VIRMA: variants seen among roughly 807,000 people sequenced by gnomAD.
VIRMA encodes the protein vir like m6A methyltransferase associated, also known as protein virilizer homolog.
VIRMA carries 65 observed loss-of-function variants against 182.4 expected under a neutral mutation model. The observed-to-expected ratio is 0.36, with a 90% CI of 0.29 to 0.44. VIRMA has a LOEUF of 0.44. Ranked by LOEUF, VIRMA falls within the 20% of genes least tolerant of loss-of-function variation. The pLI, the probability that VIRMA is intolerant of heterozygous loss-of-function variation, is 1.00. For synonymous variants in VIRMA, 709 were observed against 743.1 expected (o/e 0.95, Z 0.75); for missense variants, 1,752 against 2,158.1 (o/e 0.81, Z 3.73).
intron 10 of VIRMA, among the ~76,000 whole-genome samples, chr8:94,515,297 A>G (rs191494373): frequency 3.9e-5 from 6 of 152,142 alleles, no homozygotes; most frequent in African/African-American, 1.4e-4. Context: ...GGGTTTCACC[A>G]CGTTGGCCAG....
chr8:94,504,337 C>T (rs1376078133), intron 16 of VIRMA, among the ~76,000 whole-genome samples: 2 of 152,070 alleles, frequency 1.3e-5, no homozygotes, highest in Non-Finnish European at 2.9e-5. Flanking sequence ...TTTCTCCTTG[C>T]TCACTCTGAG....
At chr8:94,543,167 C>G (rs1203351314) in intron 2 of VIRMA, among the ~76,000 whole-genome samples, 1 of 151,906 alleles carries the variant, frequency 6.6e-6, no homozygotes, top group Non-Finnish European at 1.5e-5. Context: ...CTCGGCCTCT[C>G]AAAGTGCTGG....
intron 4 of VIRMA, among the ~76,000 whole-genome samples, chr8:94,536,895 C>A (rs188635982): frequency 2.8e-4 from 43 of 152,178 alleles, no homozygotes; most frequent in African/African-American, 9.6e-4. Context: ...AGGAGAATGG[C>A]GTGAACCTGG....
chr8:94,530,182 T>A (rs1187169122), intron 6 of VIRMA, among the ~76,000 whole-genome samples: 1 of 151,722 alleles, frequency 6.6e-6, no homozygotes, highest in Non-Finnish European at 1.5e-5. Flanking sequence ...AATTAACAAA[T>A]TTTTTTTTAA....
rs1199543532 is a variant in VIRMA at position 94,526,264 on chromosome 8, A to G, written c.1980T>C (p.Thr660=). 2 of 1,613,796 alleles carry G rather than the reference A, an allele frequency of 1.2e-6. No individual in the cohort carries two copies. The highest frequency in any genetic ancestry group is 1.7e-6 in the Non-Finnish European group (2 of 1,179,786). Residue 660 remains threonine (T), a synonymous_variant, in exon 8 of 24, where the codon ACT becomes ACC. Coordinates refer to ENST00000297591, the MANE Select transcript of VIRMA (RefSeq NM_015496.5). The part of the protein sequence containing the change: ...VKSFPTMARI[T]GPPERDDPYP... ...ATGGATCATCCCTCTCTGGAGGTCC[A>G]GTAATTCGTGCCATCGTTGGGAAAG...
chr8:94,538,216 A>T (rs754092832), intron 3 of VIRMA, 44 bp downstream of exon 3: 1 of 1,227,194 alleles, frequency 8.1e-7, no homozygotes. Context: ...GGTGTTGCTT[A>T]CTAACTCATG....
At chr8:94,495,120 C>A (rs1052394243) in intron 19 of VIRMA, among the ~76,000 whole-genome samples, 164 bp from the exon 20 acceptor site, 9 of 151,998 alleles carry the variant, frequency 5.9e-5, no homozygotes, top group Non-Finnish European at 1.5e-5. Flanking sequence ...CCCACCTTAG[C>A]CTCCCTAGTA....
At chr8:94,535,241 T>G (rs1300644148) in intron 4 of VIRMA, among the ~76,000 whole-genome samples, 1 of 152,184 alleles carries the variant, frequency 6.6e-6, no homozygotes, top group Admixed American at 6.5e-5. Flanking sequence ...CTATGCTTTA[T>G]GTCAACCTTG....
In VIRMA at chr8:94,492,437, C is replaced by T. The variant is rs1287815958; in HGVS notation, c.4808+215G>A. Among the ~76,000 whole-genome samples the T allele has an allele frequency of 6.0e-5, 9 of 149,494 alleles. No individual in the cohort carries two copies. The East Asian group carries it at 1.5e-3, about 26-fold the overall frequency. ...TAGCTGGGACTACAGGCACCCACCA[C>T]CACGACCAGCTAATTTTTTTTTTTT... On this transcript the variant is annotated intron_variant, in intron 21 of 23. Transcript: ENST00000297591.
At chr8:94,547,961 C>T (rs1815831827) in intron 1 of VIRMA, among the ~76,000 whole-genome samples, 1 of 150,576 alleles carries the variant, frequency 6.6e-6, no homozygotes, top group Admixed American at 6.6e-5. Flanking sequence ...GGAGGATCGC[C>T]CAGGTCAAAG....
chr8:94,534,789 TA>T, intron 5 of VIRMA, 49 bp downstream of exon 5: 1 of 1,572,032 alleles, frequency 6.4e-7, no homozygotes, highest in Non-Finnish European at 8.6e-7. Flanking sequence ...TTTTTTTTTT[TA>T]AACCACGGAT....
rs749984778 is a variant in VIRMA, at chr8:94,537,159, G to A, written c.267-8C>T. On this transcript the variant is annotated splice_polypyrimidine_tract_variant and splice_region_variant and intron_variant, in intron 3 of 23. Transcript: ENST00000297591. ...TTCTCATCATATTCCAGGCTGTCAA[G>A]AGAGTAGAAATAAATATGTAAGCTC... 1 of 1,572,814 alleles carries A rather than the reference G, an allele frequency of 6.4e-7. No individual in the cohort carries two copies. Among genetic ancestry groups the A allele is most frequent in the Admixed American group, 1.7e-5 (1 of 59,942 alleles).
intron 16 of VIRMA, among the ~76,000 whole-genome samples, chr8:94,506,281 T>C (rs1395565640): frequency 6.6e-6 from 1 of 152,224 alleles, no homozygotes; most frequent in East Asian, 1.9e-4. Flanking sequence ...CCACAGTAAT[T>C]TGTGTATCTA....
rs905402173 is a variant in VIRMA at position 94,514,777 on chromosome 8, C to T, written c.2751+92G>A. On this transcript the variant is annotated intron_variant, in intron 11 of 23. Transcript: ENST00000297591. ...ATCAATCAAGGACACTTAACAATGTCTACATTATCTACACAAGTGATTCAA... is the reference window on the plus strand; with the variant it reads ...ATCAATCAAGGACACTTAACAATGTTTACATTATCTACACAAGTGATTCAA... The T allele has an allele frequency of 8.5e-5, 57 of 672,702 alleles. 1 individual carries two copies. The Admixed American group carries it at 1.3e-3, about 15-fold the overall frequency. 41.7% of individuals were successfully genotyped at this position (672,702 alleles called of 1,614,324 possible). A position where few individuals can be genotyped will look rare whatever the true frequency, so the allele number is the denominator to read the frequency against.
intron 15 of VIRMA, 55 bp downstream of exon 15, chr8:94,509,633 C>A (rs747853451): frequency 8.9e-5 from 91 of 1,024,266 alleles, no homozygotes; most frequent in Non-Finnish European, 1.1e-4. Flanking sequence ...AATACACACA[C>A]ACACACACAC....
intron 16 of VIRMA, among the ~76,000 whole-genome samples, chr8:94,499,782 C>T (rs1383020575): frequency 2.6e-5 from 4 of 151,964 alleles, no homozygotes; most frequent in African/African-American, 9.7e-5. Context: ...TGGTGGCTCA[C>T]GCCTGTAATC....
rs376018708 is a variant in VIRMA at position 94,543,868 on chromosome 8, T to C, written c.138A>G (p.Gly46=). Residue 46 remains glycine (G), a synonymous_variant, in exon 2 of 24, where the codon GGA becomes GGG. Coordinates refer to ENST00000297591, the MANE Select transcript of VIRMA (RefSeq NM_015496.5). The stretch of plus-strand genomic sequence containing the variant: ...CTGGCAGACTGCTATGGGCTCTTAC[T>C]CCTGGGGGTATGACTCGGACTTCAT... The part of the protein sequence containing the change: ...YINEVRVIPP[G]VRAHSSLPDN... 1.2e-6 allele frequency: 2 copies of C among 1,612,724 alleles called. No individual in the cohort carries two copies. Among genetic ancestry groups the C allele is most frequent in the Non-Finnish European group, 1.7e-6 (2 of 1,179,068 alleles).
Position 94,546,009 on chromosome 8 carries a change from A to T in VIRMA, c.64-2067T>A, listed in dbSNP as rs149890178. ...GAGGTCAAGGCTGCAGTGAGTCGTG[A>T]TGGCACCACTGCACCCCATCCTAAG... On this transcript the variant is annotated intron_variant, in intron 1 of 23. Coordinates refer to ENST00000297591, the MANE Select transcript of VIRMA (RefSeq NM_015496.5). 5.8e-3 allele frequency among the ~76,000 whole-genome samples: 835 copies of T among 144,608 alleles called. 57 individuals are homozygous for T. Among genetic ancestry groups the T allele is most frequent in the African/African-American group, 0.023 (807 of 34,434 alleles). The allele number at this position is 144,608 out of a possible 152,430, so 94.9% of individuals were successfully genotyped here.
intron 8 of VIRMA, among the ~76,000 whole-genome samples, chr8:94,521,939 T>G (rs960322201): frequency 2.0e-5 from 3 of 152,134 alleles, no homozygotes; most frequent in African/African-American, 7.2e-5. Context: ...GCTTGCAAGG[T>G]TGGCTACTGG....
Sources: gnomAD v4.1 joint callset for allele counts (sites outside exome capture counted in the v4.1 genomes callset) on GRCh38, gnomAD v4.1.1 for gene constraint, MANE v1.5 for transcripts, NCBI Gene and HGNC (gene_info 2026-07-23, HGNC 2026-07-21) for gene names.